Variants in PMM1 observed in about 807,000 individuals in gnomAD.
The protein encoded by PMM1 is brain glucose-1,6-bisphosphatase.
PMM1 carries 25 observed loss-of-function variants against 34.0 expected under a neutral mutation model. The ratio of observed to expected loss-of-function variants is 0.73; its 90% CI spans 0.54 to 1.03. The LOEUF (loss-of-function observed/expected upper bound fraction) is 1.03. PMM1 is among the 50% of genes least tolerant of loss of function. PMM1 has a pLI of 0.00. For missense variants in PMM1, 321 were observed against 350.1 expected (o/e 0.92, Z 0.66); for synonymous variants, 134 against 143.9 (o/e 0.93, Z 0.49).
intron 6 of PMM1, 94 bp from the exon 7 acceptor site, chr22:41,578,017 TTGAGTGCCTAC>T (rs2067194513): frequency 1.1e-6 from 1 of 892,506 alleles, no homozygotes; most frequent in Non-Finnish European, 1.8e-6. Flanking sequence ...TCAACAACCC[TTGAGTGCCTAC>T]TGAGGGCCAG....
chr22:41,578,928 G>T, intron 5 of PMM1, 47 bp from the exon 6 acceptor site: 1 of 1,535,924 alleles, frequency 6.5e-7, no homozygotes, highest in Non-Finnish European at 9.0e-7. Context: ...CCTGCTGTGT[G>T]CCAGGCCCTG....
intron 1 of PMM1, 168 bp from the exon 2 acceptor site, chr22:41,586,361 G>A: frequency 7.7e-7 from 1 of 1,292,512 alleles, no homozygotes; most frequent in Non-Finnish European, 1.0e-6. Context: ...TGTGGCTCAG[G>A]TCTGCAATCC....
At chr22:41,578,050 G>C in intron 6 of PMM1, 127 bp from the exon 7 acceptor site, 1 of 668,194 alleles carries the variant, frequency 1.5e-6, no homozygotes. Flanking sequence ...AATAGGACAC[G>C]GGACAGACTT....
intron 7 of PMM1, 170 bp downstream of exon 7, chr22:41,577,638 G>A (rs946425784): frequency 1.3e-6 from 1 of 761,364 alleles, no homozygotes; most frequent in Non-Finnish European, 2.2e-6. Context: ...TTTCCAATCT[G>A]TGTAACGGGG....
At chr22:41,579,134 G>T (rs552817877) in intron 5 of PMM1, 210 of 487,642 alleles carry the variant, frequency 4.3e-4, no homozygotes, top group Non-Finnish European at 7.1e-4. Context: ...TTCTGAAGGA[G>T]ACCTCAGAGG....
chr22:41,589,296 C>T, intron 1 of PMM1: 1 of 445,142 alleles, frequency 2.2e-6, no homozygotes, highest in Admixed American at 2.6e-5. Flanking sequence ...TGGCTGTGTG[C>T]TTGTGTGCCT....
At chr22:41,584,481 T>TA (rs747243040) in intron 3 of PMM1, 46 bp downstream of exon 3, 4 of 1,579,850 alleles carry the variant, frequency 2.5e-6, no homozygotes, top group Non-Finnish European at 3.5e-6. Flanking sequence ...ACTGCTCCAC[T>TA]ATGGAAAAGT....
At chr22:41,588,842 T>G (rs1164292612) in intron 1 of PMM1, 47 of 985,332 alleles carry the variant, frequency 4.8e-5, no homozygotes, top group Non-Finnish European at 5.4e-5. Context: ...TCCCCCACGC[T>G]AGGAGACCTG....
In PMM1 at chr22:41,589,338, C is replaced by T. The variant is rs75713954; in HGVS notation, c.87+381G>A. ...CCGGTTCAGAAGCCAGCTCCGACCA[C>T]TGGTGTGTCGTAGGGCTGAACTAGG... is the stretch of plus-strand genomic sequence containing the variant. On this transcript the variant is annotated intron_variant, in intron 1 of 7. Transcript: ENST00000216259. 6.9e-4 allele frequency: 302 copies of T among 434,624 alleles called. 2 individuals carry two copies. In the East Asian group the frequency reaches 9.5e-3, roughly 14 times the overall value. The allele number at this position is 434,624 out of a possible 1,614,324, so 26.9% of individuals were successfully genotyped here. A position where few individuals can be genotyped will look rare whatever the true frequency, so the allele number is the denominator to read the frequency against.
chr22:41,578,680 C>G, intron 6 of PMM1, 126 bp downstream of exon 6: 1 of 733,388 alleles, frequency 1.4e-6, no homozygotes, highest in South Asian at 1.6e-5. Context: ...CAGCCACCCT[C>G]TCTGCCCTGA....
At position 41,586,154 on chromosome 22, in the gene PMM1, G is replaced by A. The variant is rs765816406; in HGVS notation, c.127C>T (p.Arg43Ter). The A allele has an allele frequency of 1.6e-5, 26 of 1,612,202 alleles. No homozygotes were observed. Among genetic ancestry groups the A allele is most frequent in the East Asian group, 6.7e-5 (3 of 44,690 alleles). The change falls in exon 2 of 8, where the codon CGA (arginine) becomes TGA (stop). Residue 43 changes from arginine to a stop codon, truncating the protein, a stop_gained. Coordinates refer to ENST00000216259, the MANE Select transcript of PMM1 (RefSeq NM_002676.3). LOFTEE classifies it high-confidence loss of function. ...ACCACACCGATCTGCACTCTACTTC[G>A]TAGCTTCTGCAGGAAGGCGGCCACC... is the stretch of plus-strand genomic sequence containing the variant. ...PEVAAFLQKL[R>*]SRVQIGVVGG...
intron 7 of PMM1, 78 bp from the exon 8 acceptor site, chr22:41,577,518 C>T (rs1483178245): frequency 1.4e-6 from 2 of 1,469,444 alleles, no homozygotes; most frequent in Non-Finnish European, 1.8e-6. Context: ...ACCTGCCCCT[C>T]CTCCTGCCCC....
At position 41,578,843 on chromosome 22, in the gene PMM1, T is replaced by C; in HGVS notation, c.513A>G (p.Lys171=). ...TCAGCCCTTTGCCAGCAAACTCTGT[T>C]TTCAGGGCTTCCACGAACTTCTCCC... ...KIREKFVEAL[K]TEFAGKGLRF... The change falls in exon 6 of 8, where the codon AAA becomes AAG. Residue 171 remains lysine, a synonymous_variant. Transcript: ENST00000216259. The C allele has an allele frequency of 6.2e-7, 1 of 1,613,980 alleles. No homozygotes were observed. Among genetic ancestry groups the C allele is most frequent in the Non-Finnish European group, 8.5e-7 (1 of 1,179,946 alleles).
Position 41,577,863 on chromosome 22 carries a change from C to A in PMM1, c.611G>T (p.Ser204Ile), listed in dbSNP as rs1442354328. 38 of 1,613,548 alleles carry A rather than the reference C, an allele frequency of 2.4e-5. No homozygotes were observed. The highest frequency in any genetic ancestry group is 3.1e-5 in the Non-Finnish European group (36 of 1,179,976). ...GGTGTCGAAGCTGTCCTGGTCCAGG[C>A]TATCCAGGCAGTAGCGCTTGTCCCA... Reference protein sequence around the residue: ...EGWDKRYCLDSLDQDSFDTIH... With the variant: ...EGWDKRYCLDILDQDSFDTIH... Residue 204 changes from serine (S) to isoleucine (I), a missense_variant, in exon 7 of 8, where the codon AGC becomes ATC. By Grantham distance (142) the Ser-to-Ile change is moderately radical. Coordinates refer to ENST00000216259, the MANE Select transcript of PMM1 (RefSeq NM_002676.3).
Position 41,576,989 on chromosome 22 carries a change from G to T in PMM1, c.*329C>A. On this transcript the variant is annotated 3_prime_UTR_variant, in exon 8 of 8. Transcript: ENST00000216259. Reference sequence around the variant, plus strand: ...TCATCGCCCAGGGCAGGCAGGCAGGGCAGGCTAGATCTCGTACCGATACTT... The same window carrying T: ...TCATCGCCCAGGGCAGGCAGGCAGGTCAGGCTAGATCTCGTACCGATACTT... 2.5e-6 allele frequency: 1 copy of T among 403,854 alleles called. No homozygotes were observed. Among genetic ancestry groups the T allele is most frequent in the Non-Finnish European group, 4.7e-6 (1 of 213,890 alleles). 25.0% of individuals were successfully genotyped at this position (403,854 alleles called of 1,614,324 possible).
intron 7 of PMM1, 97 bp from the exon 8 acceptor site, chr22:41,577,537 T>G: frequency 7.3e-7 from 1 of 1,371,128 alleles, no homozygotes; most frequent in Non-Finnish European, 1.0e-6. Context: ...CCTTCAGAAC[T>G]GCCAGGAAGC....
At chr22:41,584,221 G>A (rs1017095509) in intron 4 of PMM1, 60 bp downstream of exon 4, 5 of 1,487,848 alleles carry the variant, frequency 3.4e-6, no homozygotes, top group Admixed American at 1.7e-5. Context: ...CCCTCTGAGG[G>A]ACCCACACTT....
intron 7 of PMM1, 98 bp from the exon 8 acceptor site, chr22:41,577,538 G>A: frequency 7.5e-7 from 1 of 1,342,012 alleles, no homozygotes; most frequent in Non-Finnish European, 1.0e-6. Flanking sequence ...CTTCAGAACT[G>A]CCAGGAAGCC....
chr22:41,577,003 G>A lies in PMM1; in HGVS notation c.*315C>T, dbSNP rs997854626. On this transcript the variant is annotated 3_prime_UTR_variant, in exon 8 of 8. Coordinates refer to ENST00000216259, the MANE Select transcript of PMM1 (RefSeq NM_002676.3). ...AGGCAGGCAGGGCAGGCTAGATCTC[G>A]TACCGATACTTGAGCACGCCTCCTC... The A allele has an allele frequency of 1.6e-5, 7 of 426,740 alleles. No individual in the cohort carries two copies. Among genetic ancestry groups the A allele is most frequent in the East Asian group, 1.0e-4 (2 of 19,626 alleles). The allele number at this position is 426,740 out of a possible 1,614,324, so 26.4% of individuals were successfully genotyped here. A position where few individuals can be genotyped will look rare whatever the true frequency, so the allele number is the denominator to read the frequency against.
Sources: gnomAD v4.1 joint callset for allele counts on GRCh38, gnomAD v4.1.1 for gene constraint, MANE v1.5 for transcripts, NCBI Gene and HGNC (gene_info 2026-07-23, HGNC 2026-07-21) for gene names.